Variants in ADCY9 observed in about 807,000 individuals in gnomAD.
ADCY9 encodes adenylate cyclase 9, also known as adenylate cyclase type 9.
ADCY9 carries 50 observed loss-of-function variants against 101.5 expected under a neutral mutation model. The observed-to-expected ratio is 0.49, with a 90% CI of 0.39 to 0.62. The LOEUF (loss-of-function observed/expected upper bound fraction) is 0.62, where lower values mean the gene tolerates loss of function less well. ADCY9 is among the 20% of genes least tolerant of loss of function. The pLI is 0.00. For missense variants in ADCY9, 1,662 were observed against 1,800.4 expected, an observed-to-expected ratio of 0.92 and a Z score of 1.39; for synonymous variants, 905 against 769.3, an observed-to-expected ratio of 1.18 and a Z score of -2.92.
At chr16:3,977,717 C>T (rs549393123) in intron 8 of ADCY9, 87 bp from the exon 9 acceptor site, 1,104 of 1,479,928 alleles carry the variant, frequency 7.5e-4, no homozygotes, top group Non-Finnish European at 8.8e-4. Flanking sequence ...CGCCACTAAT[C>T]CATGTTTCCT....
chr16:4,113,303 A>G (rs1039857599), intron 2 of ADCY9, among the ~76,000 whole-genome samples: 5 of 151,950 alleles, frequency 3.3e-5, no homozygotes, highest in African/African-American at 1.2e-4. Flanking sequence ...AGTGAGGCCT[A>G]GAGAGGAGAA....
chr16:3,976,826 T>G (rs1186854842), intron 9 of ADCY9, among the ~76,000 whole-genome samples: 3 of 152,052 alleles, frequency 2.0e-5, no homozygotes, highest in Non-Finnish European at 4.4e-5. Flanking sequence ...CCTGACTAAT[T>G]TTTGTATTTT....
chr16:4,014,251 G>A (rs1386302575), intron 2 of ADCY9, among the ~76,000 whole-genome samples: 1 of 151,242 alleles, frequency 6.6e-6, no homozygotes, highest in African/African-American at 2.4e-5. Flanking sequence ...CCCAGGAGGC[G>A]GAGGTTGCAG....
chr16:4,080,548 C>G (rs950927248), intron 2 of ADCY9, among the ~76,000 whole-genome samples: 1 of 152,094 alleles, frequency 6.6e-6, no homozygotes, highest in African/African-American at 2.4e-5. Context: ...CATGACCCAC[C>G]GTTCCCAGCC....
At chr16:4,081,938 T>C (rs542733352) in intron 2 of ADCY9, among the ~76,000 whole-genome samples, 2 of 151,572 alleles carry the variant, frequency 1.3e-5, no homozygotes, top group East Asian at 3.9e-4. Context: ...AGGTCACTGG[T>C]GGTGATGTGG....
chr16:3,954,389 G>T (rs924238106), intron 5 of ADCY9, among the ~76,000 whole-genome samples: 13 of 152,316 alleles, frequency 8.5e-5, no homozygotes, highest in African/African-American at 2.9e-4. Context: ...CTGAGAGCCT[G>T]GCGTGCTGCT....
At chr16:4,042,472 A>G (rs1437133703) in intron 2 of ADCY9, among the ~76,000 whole-genome samples, 1 of 152,076 alleles carries the variant, frequency 6.6e-6, no homozygotes, top group Non-Finnish European at 1.5e-5. Flanking sequence ...TTGCATTTTT[A>G]TTTCCTTCTG....
chr16:4,031,004 C>T (rs1321339875), intron 2 of ADCY9, among the ~76,000 whole-genome samples: 1 of 151,700 alleles, frequency 6.6e-6, no homozygotes, highest in Non-Finnish European at 1.5e-5. Flanking sequence ...TTCAAAAATG[C>T]CAATAGCAGT....
chr16:3,996,589 C>G (rs2056288668), intron 3 of ADCY9, among the ~76,000 whole-genome samples: 1 of 152,174 alleles, frequency 6.6e-6, no homozygotes, highest in Admixed American at 6.5e-5. Context: ...GGAAAGGAAG[C>G]TGGAGGTGTG....
chr16:4,102,343 A>T (rs2057048602), intron 2 of ADCY9, among the ~76,000 whole-genome samples: 1 of 152,178 alleles, frequency 6.6e-6, no homozygotes, highest in Non-Finnish European at 1.5e-5. Context: ...TGTATCAGAA[A>T]TCAAAATCCA....
At chr16:4,077,882 AATCCT>A (rs2056877617) in intron 2 of ADCY9, among the ~76,000 whole-genome samples, 2 of 144,394 alleles carry the variant, frequency 1.4e-5, no homozygotes, top group Non-Finnish European at 3.1e-5. Flanking sequence ...GCACACCTGT[AATCCT>A]AGTACTTGGG....
chr16:4,076,066 T>C (rs1219054196), intron 2 of ADCY9, among the ~76,000 whole-genome samples: 1 of 152,160 alleles, frequency 6.6e-6, no homozygotes, highest in African/African-American at 2.4e-5. Context: ...GCGTAGCACA[T>C]GCCTGTGGTC....
chr16:4,083,787 A>G (rs2056920074), intron 2 of ADCY9, among the ~76,000 whole-genome samples: 1 of 152,212 alleles, frequency 6.6e-6, no homozygotes, highest in South Asian at 2.1e-4. Flanking sequence ...TTCCATTTTT[A>G]TGAAATGTCC....
At chr16:3,988,041 G>A (rs1272512094) in intron 6 of ADCY9, among the ~76,000 whole-genome samples, 9 of 150,882 alleles carry the variant, frequency 6.0e-5, no homozygotes, top group Non-Finnish European at 1.2e-4. Flanking sequence ...GAGGCTGTAA[G>A]GAGGGGCTGG....
At chr16:4,079,412 T>C (rs2056887982) in intron 2 of ADCY9, among the ~76,000 whole-genome samples, 2 of 151,936 alleles carry the variant, frequency 1.3e-5, no homozygotes, top group Non-Finnish European at 2.9e-5. Flanking sequence ...CTACTAAAAA[T>C]ACAAAAATTA....
intron 3 of ADCY9, among the ~76,000 whole-genome samples, chr16:3,999,474 C>A (rs1231922237): frequency 6.6e-6 from 1 of 152,214 alleles, no homozygotes; most frequent in Non-Finnish European, 1.5e-5. Context: ...CCTTTCCTGG[C>A]ACAAGGAGGA....
chr16:4,007,080 C>T (rs1303866594), intron 3 of ADCY9, among the ~76,000 whole-genome samples: 3 of 152,062 alleles, frequency 2.0e-5, no homozygotes, highest in African/African-American at 4.8e-5. Context: ...TCTAGAAATC[C>T]CAAAAGGCAC....
At chr16:4,083,547 C>T (rs540481160) in intron 2 of ADCY9, among the ~76,000 whole-genome samples, 132 of 152,280 alleles carry the variant, frequency 8.7e-4, no homozygotes, top group Middle Eastern at 3.4e-3. Context: ...CACAGGAAAA[C>T]GTGTCTGCCA....
chr16:4,059,759 G>A (rs774874828), intron 2 of ADCY9, among the ~76,000 whole-genome samples: 4 of 152,106 alleles, frequency 2.6e-5, no homozygotes, highest in Non-Finnish European at 4.4e-5. Flanking sequence ...TCAGCCTGGC[G>A]TGGTGATGCA....
Sources: gnomAD v4.1 joint callset for allele counts (sites outside exome capture counted in the v4.1 genomes callset) on GRCh38, gnomAD v4.1.1 for gene constraint, MANE v1.5 for transcripts, NCBI Gene and HGNC (gene_info 2026-07-23, HGNC 2026-07-21) for gene names.